The following DEPTOR variants were observed in gnomAD, a reference collection of about 807,000 sequenced individuals.
The protein encoded by DEPTOR is DEP domain-containing mTOR-interacting protein.
A neutral mutation model predicts 41.6 loss-of-function variants in DEPTOR; 41 were observed. The ratio of observed to expected loss-of-function variants is 0.98; its 90% confidence interval spans 0.77 to 1.28. The LOEUF is 1.28. Among genes scored for constraint, DEPTOR ranks in the 50% most tolerant of loss-of-function variants. The pLI, the probability that DEPTOR is intolerant of heterozygous loss-of-function variation, is 0.00. For missense variants in DEPTOR, 514 were observed against 527.9 expected, an observed-to-expected ratio of 0.97 and a Z score of 0.26; for synonymous variants, 195 against 192.3, an observed-to-expected ratio of 1.01 and a Z score of -0.12.
intron 1 of DEPTOR, among the ~76,000 whole-genome samples, chr8:119,927,429 ATC>A (rs910924239): frequency 2.0e-5 from 3 of 151,826 alleles, no homozygotes; most frequent in African/African-American, 4.8e-5. Context: ...GTTGTTTGTA[ATC>A]TCTCTGTCTC....
intron 3 of DEPTOR, 39 bp from the exon 4 acceptor site, chr8:119,965,193 G>A (rs760459805): frequency 1.7e-5 from 27 of 1,578,414 alleles, no homozygotes; most frequent in South Asian, 1.2e-4. Context: ...TTTTCCTTTC[G>A]TATAGGTTTA....
intron 1 of DEPTOR, among the ~76,000 whole-genome samples, chr8:119,912,103 A>G (rs1827753191): frequency 6.6e-6 from 1 of 152,222 alleles, no homozygotes; most frequent in Non-Finnish European, 1.5e-5. Flanking sequence ...GTTGGATGAA[A>G]GAACACATCA....
At chr8:119,949,672 C>T (rs1460549846) in intron 3 of DEPTOR, among the ~76,000 whole-genome samples, 2 of 151,784 alleles carry the variant, frequency 1.3e-5, no homozygotes, top group Non-Finnish European at 2.9e-5. Flanking sequence ...AGATCATTTG[C>T]CCGTTTTTAT....
At chr8:120,029,740 A>C (rs900836447) in intron 8 of DEPTOR, among the ~76,000 whole-genome samples, 3 of 152,002 alleles carry the variant, frequency 2.0e-5, no homozygotes, top group African/African-American at 7.2e-5. Context: ...GAAAATGTTT[A>C]CTTCTCCCCA....
At chr8:120,031,582 A>T (rs947323930) in intron 8 of DEPTOR, among the ~76,000 whole-genome samples, 1 of 152,026 alleles carries the variant, frequency 6.6e-6, no homozygotes, top group African/African-American at 2.4e-5. Flanking sequence ...AGCTGACTGC[A>T]CCCCATGCTT....
intron 8 of DEPTOR, among the ~76,000 whole-genome samples, chr8:120,014,796 T>C (rs1812584890): frequency 6.6e-6 from 1 of 152,162 alleles, no homozygotes; most frequent in Non-Finnish European, 1.5e-5. Flanking sequence ...GTGCTGAGAT[T>C]ACAGGCGTAA....
chr8:120,006,772 T>C, intron 6 of DEPTOR, 33 bp from the exon 7 acceptor site: 1 of 1,603,178 alleles, frequency 6.2e-7, no homozygotes, highest in Non-Finnish European at 8.5e-7. Context: ...GACTTGGAAG[T>C]GCTTATGTCT....
chr8:119,891,926 G>T (rs140473322), intron 1 of DEPTOR, among the ~76,000 whole-genome samples: 1 of 152,166 alleles, frequency 6.6e-6, no homozygotes, highest in Non-Finnish European at 1.5e-5. Context: ...GGTCTTTCAG[G>T]TCATGTGTTT....
At chr8:119,976,864 C>T (rs1454260088) in intron 4 of DEPTOR, among the ~76,000 whole-genome samples, 1 of 152,032 alleles carries the variant, frequency 6.6e-6, no homozygotes, top group Non-Finnish European at 1.5e-5. Flanking sequence ...CCCCGCACAC[C>T]CTGCAAAGAA....
chr8:120,049,484 G>A, intron 8 of DEPTOR, 92 bp from the exon 9 acceptor site: 1 of 1,396,102 alleles, frequency 7.2e-7, no homozygotes, highest in Non-Finnish European at 9.5e-7. Context: ...TAAGAATGAA[G>A]TTACCTGTTA....
chr8:119,968,438 C>G (rs572118903), intron 4 of DEPTOR, among the ~76,000 whole-genome samples: 2 of 151,892 alleles, frequency 1.3e-5, no homozygotes, highest in East Asian at 1.9e-4. Flanking sequence ...CTCAGCCTCC[C>G]GAGTAGCTGT....
At chr8:120,035,308 A>G (rs1044118222) in intron 8 of DEPTOR, among the ~76,000 whole-genome samples, 3 of 149,298 alleles carry the variant, frequency 2.0e-5, no homozygotes, top group African/African-American at 5.0e-5. Context: ...AGACAGAGTG[A>G]GACCCTGCCC....
At chr8:120,003,215 T>A in intron 6 of DEPTOR, 104 bp downstream of exon 6, 1 of 1,528,480 alleles carries the variant, frequency 6.5e-7, no homozygotes, top group Non-Finnish European at 8.8e-7. Flanking sequence ...TGGGTTCTAA[T>A]AAGTTAGAGC....
At chr8:120,046,297 A>C (rs1223338248) in intron 8 of DEPTOR, among the ~76,000 whole-genome samples, 2 of 152,102 alleles carry the variant, frequency 1.3e-5, no homozygotes, top group Non-Finnish European at 2.9e-5. Flanking sequence ...ATTTTAGAGC[A>C]TTTTTATCAC....
At chr8:119,985,793 G>A (rs1266648088) in intron 4 of DEPTOR, among the ~76,000 whole-genome samples, 3 of 94,752 alleles carry the variant, frequency 3.2e-5, no homozygotes, top group African/African-American at 1.3e-4. Context: ...TTTAAAGTCT[G>A]TTTTATCAGA....
At chr8:120,002,282 G>A (rs938549778) in intron 5 of DEPTOR, among the ~76,000 whole-genome samples, 4 of 151,910 alleles carry the variant, frequency 2.6e-5, no homozygotes, top group Non-Finnish European at 5.9e-5. Context: ...TGGGACTACA[G>A]GCACGTGTCA....
chr8:119,927,519 C>A (rs1161848760), intron 1 of DEPTOR, among the ~76,000 whole-genome samples: 1 of 150,418 alleles, frequency 6.6e-6, no homozygotes, highest in Non-Finnish European at 1.5e-5. Context: ...TAGGCAGATT[C>A]TTCCTTTATG....
intron 3 of DEPTOR, among the ~76,000 whole-genome samples, chr8:119,946,543 T>C (rs1341308954): frequency 6.6e-6 from 1 of 151,752 alleles, no homozygotes; most frequent in African/African-American, 2.4e-5. Flanking sequence ...GAGTTCAACC[T>C]GACCAACATG....
intron 1 of DEPTOR, among the ~76,000 whole-genome samples, chr8:119,904,051 C>A (rs921923542): frequency 3.9e-5 from 6 of 152,074 alleles, no homozygotes; most frequent in Non-Finnish European, 7.4e-5. Flanking sequence ...TATCCCTCCA[C>A]AAGAGGAGGA....
Sources: allele counts gnomAD v4.1 joint callset (sites outside exome capture counted in the v4.1 genomes callset), GRCh38; gene constraint gnomAD v4.1.1; transcripts MANE v1.5; gene names NCBI Gene and HGNC (gene_info 2026-07-23, HGNC 2026-07-21).